The following NOX4 variants were observed in gnomAD, a reference collection of about 807,000 sequenced individuals.
The protein encoded by NOX4 is NADPH oxidase 4.
NOX4 carries 69 observed loss-of-function variants against 87.6 expected under a neutral mutation model. The ratio of observed to expected loss-of-function variants is 0.79; its 90% CI spans 0.65 to 0.96. NOX4 has a LOEUF of 0.96. NOX4 is among the 40% of genes least tolerant of loss of function. NOX4 has a pLI of 0.00. For synonymous variants in NOX4, 275 were observed against 238.2 expected (o/e 1.15, Z -1.42); for missense variants, 680 against 681.5 (o/e 1.00, Z 0.02).
the NOX4 span, among the ~76,000 whole-genome samples, chr11:89,585,189 C>T: frequency 6.6e-6 from 1 of 152,230 alleles, no homozygotes; most frequent in South Asian, 2.1e-4. Context: ...TTCTTAGTCA[C>T]TGCCCCAAAG....
intron 13 of NOX4, among the ~76,000 whole-genome samples, chr11:89,343,558 CT>C (rs1413280920): frequency 2.0e-5 from 3 of 151,582 alleles, no homozygotes; most frequent in African/African-American, 4.8e-5. Flanking sequence ...ATGACATCTA[CT>C]TTTTTGAGGG....
At chr11:89,531,858 A>G in the NOX4 span, among the ~76,000 whole-genome samples, 2 of 152,256 alleles carry the variant, frequency 1.3e-5, no homozygotes, top group Non-Finnish European at 2.9e-5. Context: ...GCCTGGGGAC[A>G]GGATGCCCTG....
intron 6 of NOX4, among the ~76,000 whole-genome samples, chr11:89,433,143 C>T (rs1049495702): frequency 2.6e-5 from 4 of 152,018 alleles, no homozygotes; most frequent in Admixed American, 6.6e-5. Flanking sequence ...ATCCATCCAT[C>T]ATCTCAAACA....
the NOX4 span, among the ~76,000 whole-genome samples, chr11:89,570,371 G>T: frequency 6.6e-6 from 1 of 152,058 alleles, no homozygotes; most frequent in Non-Finnish European, 1.5e-5. Context: ...AGGAGAGTGA[G>T]GTGTGAAAAA....
chr11:89,412,373 C>A (rs1227713956), intron 8 of NOX4, among the ~76,000 whole-genome samples: 1 of 152,096 alleles, frequency 6.6e-6, no homozygotes, highest in Non-Finnish European at 1.5e-5. Flanking sequence ...ACAGATTCTT[C>A]TCCTCAGCAC....
intron 8 of NOX4, among the ~76,000 whole-genome samples, chr11:89,420,935 T>C (rs1275202366): frequency 6.6e-6 from 1 of 152,156 alleles, no homozygotes; most frequent in African/African-American, 2.4e-5. Context: ...AGGGCATCCC[T>C]TGAGGGGACC....
the NOX4 span, among the ~76,000 whole-genome samples, chr11:89,517,349 C>T: frequency 6.6e-6 from 1 of 152,078 alleles, no homozygotes; most frequent in Non-Finnish European, 1.5e-5. Context: ...GTTGACCGCT[C>T]ATCAATATAT....
the NOX4 span, among the ~76,000 whole-genome samples, chr11:89,570,638 C>T: frequency 2.6e-5 from 4 of 152,104 alleles, no homozygotes; most frequent in African/African-American, 7.2e-5. Flanking sequence ...TCAAGGCCAC[C>T]CTGGGCAACA....
At chr11:89,587,236 G>C in the NOX4 span, among the ~76,000 whole-genome samples, 1 of 151,950 alleles carries the variant, frequency 6.6e-6, no homozygotes, top group Admixed American at 6.6e-5. Context: ...GAAGGGAGAG[G>C]ATAGAGGCAC....
At chr11:89,456,853 T>C (rs144220333) in intron 2 of NOX4, among the ~76,000 whole-genome samples, 278 of 152,242 alleles carry the variant, frequency 1.8e-3, no homozygotes, top group African/African-American at 6.3e-3. Flanking sequence ...CTCCATGGCC[T>C]TCTAAGTGAC....
the NOX4 span, among the ~76,000 whole-genome samples, chr11:89,553,782 G>C: frequency 1.1e-4 from 16 of 151,876 alleles, no homozygotes; most frequent in Admixed American, 4.6e-4. Flanking sequence ...GAGTAAGAGG[G>C]CTTGACAGCA....
In NOX4 at chr11:89,340,107, A is replaced by G. The variant is rs149863348; in HGVS notation, c.1402T>C (p.Ser468Pro). ...AGTAAATCTGCAAACCAACGGAAGG[A>G]CTGGATATCTCTGCATACCCAAATA... Reference protein sequence around the residue: ...YFIWVCRDIQSFRWFADLLCM... With the variant: ...YFIWVCRDIQPFRWFADLLCM... Residue 468 changes from serine (S) to proline (P), a missense_variant, in exon 15 of 18, where the codon TCC becomes CCC. By Grantham distance (74) the Ser-to-Pro change is moderately conservative. Coordinates refer to ENST00000263317, the MANE Select transcript of NOX4 (RefSeq NM_016931.5). 2.5e-6 allele frequency: 4 copies of G among 1,579,758 alleles called. No individual in the cohort carries two copies. In the African/African-American group the frequency reaches 5.5e-5, roughly 22 times the overall value.
At chr11:89,576,927 A>G in the NOX4 span, 1 of 152,148 alleles carries the variant, frequency 6.6e-6, no homozygotes, top group Non-Finnish European at 1.5e-5. Flanking sequence ...AAATTATGCT[A>G]TTGGTAAATT....
intron 12 of NOX4, among the ~76,000 whole-genome samples, chr11:89,360,153 C>T (rs1378074291): frequency 2.0e-5 from 3 of 151,856 alleles, no homozygotes; most frequent in Admixed American, 6.6e-5. Flanking sequence ...ACCATAATAT[C>T]GATATTATTT....
intron 12 of NOX4, among the ~76,000 whole-genome samples, chr11:89,367,108 G>A (rs1176260543): frequency 1.3e-5 from 2 of 152,078 alleles, no homozygotes; most frequent in Non-Finnish European, 1.5e-5. Context: ...GCCATGTTAA[G>A]TTTCATCATT....
Position 89,450,484 on chromosome 11 carries a change from G to T in NOX4, c.265-960C>A, listed in dbSNP as rs112384735. 1.5e-4 allele frequency among the ~76,000 whole-genome samples: 23 copies of T among 152,068 alleles called. 1 individual carries two copies. The highest frequency in any genetic ancestry group is 5.1e-4 in the African/African-American group (21 of 41,504). On this transcript the variant is annotated intron_variant, in intron 3 of 17. Transcript: ENST00000263317. ...CACAAAATTAGTCAAAGACAAAAAA[G>T]AATTTTTGTTGATTAGCAGAATGAC... is the stretch of plus-strand genomic sequence containing the variant.
chr11:89,443,987 T>C (rs1944570596), intron 5 of NOX4, 148 bp downstream of exon 5: 3 of 635,902 alleles, frequency 4.7e-6, no homozygotes, highest in Middle Eastern at 3.5e-4. Context: ...TATTTTCTAC[T>C]GAAAAGGAAT....
chr11:89,490,603 T>C, intron 1 of NOX4, 50 bp from the exon 2 acceptor site: 3 of 1,310,626 alleles, frequency 2.3e-6, no homozygotes, highest in Non-Finnish European at 3.3e-6. Context: ...AAAATAATTA[T>C]TACCTGATGA....
chr11:89,543,628 C>T, the NOX4 span, among the ~76,000 whole-genome samples: 1,230 of 151,892 alleles, frequency 8.1e-3, 9 homozygotes, highest in Non-Finnish European at 0.011. Context: ...GAGTCGAGGA[C>T]GCTGTCTAAA....
Sources: allele counts gnomAD v4.1 joint callset (sites outside exome capture counted in the v4.1 genomes callset), GRCh38; gene constraint gnomAD v4.1.1; transcripts MANE v1.5; gene names NCBI Gene and HGNC (gene_info 2026-07-23, HGNC 2026-07-21).